Variants in ARHGAP32 observed in about 807,000 individuals in gnomAD.
ARHGAP32 encodes the protein rho GTPase-activating protein 32.
In ARHGAP32, 51 loss-of-function variants were observed where a neutral mutation model predicts 186.5. The ratio of observed to expected loss-of-function variants is 0.27; its 90% CI spans 0.22 to 0.35. ARHGAP32 has a LOEUF of 0.35. ARHGAP32 is among the 10% of genes least tolerant of loss of function. ARHGAP32 has a pLI of 1.00. For missense variants in ARHGAP32, 2,186 were observed against 2,623.5 expected (o/e 0.83, Z 3.64); for synonymous variants, 950 against 964.3 (o/e 0.99, Z 0.27).
At chr11:129,277,538 G>C (rs896307209) in intron 1 of ARHGAP32, among the ~76,000 whole-genome samples, 3 of 152,172 alleles carry the variant, frequency 2.0e-5, no homozygotes, top group African/African-American at 7.2e-5. Flanking sequence ...ACCTCAATGT[G>C]AACGATCATA....
chr11:129,190,097 T>C (rs1160803324), intron 1 of ARHGAP32, among the ~76,000 whole-genome samples: 1 of 152,218 alleles, frequency 6.6e-6, no homozygotes, highest in East Asian at 1.9e-4. Context: ...AAAAACACAG[T>C]AAGACATTTT....
chr11:128,997,696 A>AT (rs1946238585), intron 12 of ARHGAP32, among the ~76,000 whole-genome samples: 1 of 152,194 alleles, frequency 6.6e-6, no homozygotes. Context: ...AAAGAAAGGA[A>AT]TATAGATTCC....
intron 11 of ARHGAP32, among the ~76,000 whole-genome samples, chr11:129,014,915 T>C (rs1938259144): frequency 6.6e-6 from 1 of 152,128 alleles, no homozygotes; most frequent in Non-Finnish European, 1.5e-5. Flanking sequence ...TAAAGTACTT[T>C]ATGTTAAACA....
At chr11:129,003,126 T>C (rs767533784) in intron 11 of ARHGAP32, among the ~76,000 whole-genome samples, 1 of 152,200 alleles carries the variant, frequency 6.6e-6, no homozygotes, top group Non-Finnish European at 1.5e-5. Context: ...TAAATGCTTT[T>C]TCAGCATTAA....
intron 6 of ARHGAP32, among the ~76,000 whole-genome samples, chr11:129,075,326 A>T (rs1466853512): frequency 6.6e-6 from 1 of 152,242 alleles, no homozygotes; most frequent in African/African-American, 2.4e-5. Context: ...TAATTAAAAA[A>T]GCAAAAATAG....
intron 2 of ARHGAP32, chr11:129,125,877 C>T: frequency 4.5e-6 from 2 of 439,576 alleles, no homozygotes; most frequent in Non-Finnish European, 9.1e-6. Flanking sequence ...ATTTTTACTC[C>T]TTCTTAGAGG....
At chr11:129,184,752 T>C (rs1944125546) in intron 1 of ARHGAP32, among the ~76,000 whole-genome samples, 1 of 151,494 alleles carries the variant, frequency 6.6e-6, no homozygotes, top group South Asian at 2.1e-4. Context: ...AAAATATACA[T>C]AACAATAAAA....
At chr11:129,124,743 TGAA>T in intron 3 of ARHGAP32, 57 bp downstream of exon 3, 1 of 1,304,082 alleles carries the variant, frequency 7.7e-7, no homozygotes, top group East Asian at 2.4e-5. Context: ...TTAAGAGAAT[TGAA>T]GAACTGATTT....
chr11:129,149,226 G>T (rs1230851128), intron 2 of ARHGAP32, among the ~76,000 whole-genome samples: 1 of 152,204 alleles, frequency 6.6e-6, no homozygotes, highest in African/African-American at 2.4e-5. Flanking sequence ...TAATCTTGCT[G>T]CCAGGAAGAA....
intron 13 of ARHGAP32, among the ~76,000 whole-genome samples, chr11:128,987,735 C>T (rs1339993536): frequency 1.3e-5 from 2 of 152,118 alleles, no homozygotes; most frequent in Admixed American, 6.6e-5. Flanking sequence ...TGCAAATTTC[C>T]TCTCTCATGG....
rs571549650 is a variant in ARHGAP32 at position 129,118,724 on chromosome 11, C to T, written c.444+4722G>A. 1.9e-3 allele frequency among the ~76,000 whole-genome samples: 283 copies of T among 152,070 alleles called. 4 individuals are homozygous for T. The highest frequency in any genetic ancestry group is 6.7e-3 in the African/African-American group (278 of 41,508). ...TCAAAGAACAGGTAATTCCCATTTA[C>T]ACAAACTATTCCAGTGCATTTATTT... On this transcript the variant is annotated intron_variant, in intron 5 of 22. Transcript: ENST00000682385.
intron 1 of ARHGAP32, among the ~76,000 whole-genome samples, chr11:129,264,192 C>A (rs1191686340): frequency 6.6e-6 from 1 of 151,982 alleles, no homozygotes; most frequent in Non-Finnish European, 1.5e-5. Flanking sequence ...TCTAAAGTAG[C>A]CAAAATCATG....
At chr11:129,022,411 T>C (rs1266178306) in intron 11 of ARHGAP32, among the ~76,000 whole-genome samples, 1 of 152,132 alleles carries the variant, frequency 6.6e-6, no homozygotes. Flanking sequence ...GGAAAGTTTC[T>C]ATATTTGGTG....
intron 6 of ARHGAP32, among the ~76,000 whole-genome samples, chr11:129,079,438 T>C (rs796597216): frequency 2.0e-5 from 3 of 152,288 alleles, no homozygotes; most frequent in African/African-American, 7.2e-5. Context: ...ACTGGAAGCC[T>C]CTCTTTAGCC....
intron 11 of ARHGAP32, among the ~76,000 whole-genome samples, chr11:129,021,717 G>A (rs543673421): frequency 1.3e-4 from 19 of 151,940 alleles, no homozygotes; most frequent in East Asian, 7.7e-4. Context: ...TTTTTATTTC[G>A]AAATTTAAAT....
rs1408289045 is a variant in ARHGAP32, at chr11:128,967,504, T to TG, written c.*1402dup. The TG allele has an allele frequency of 6.6e-6, 1 of 152,202 alleles. No individual in the cohort carries two copies. Among genetic ancestry groups the TG allele is most frequent in the East Asian group, 1.9e-4 (1 of 5,208 alleles). The allele number at this position is 152,202 out of a possible 1,614,324, so 9.4% of individuals were successfully genotyped here. On this transcript the variant is annotated 3_prime_UTR_variant, in exon 23 of 23. Coordinates refer to ENST00000682385, the MANE Select transcript of ARHGAP32 (RefSeq NM_001378024.1). ...ACTGCCTTGCTAGTCTGATGTATTT[T>TG]GGGGGGTGGAGGGAGCTGAGAACAT...
At chr11:129,252,225 A>G (rs1343399209) in intron 1 of ARHGAP32, among the ~76,000 whole-genome samples, 2 of 152,096 alleles carry the variant, frequency 1.3e-5, no homozygotes, top group Admixed American at 6.6e-5. Flanking sequence ...TTTACTCTCA[A>G]CTGTAGTCGT....
At chr11:129,252,175 C>T (rs903457668) in intron 1 of ARHGAP32, among the ~76,000 whole-genome samples, 5 of 152,136 alleles carry the variant, frequency 3.3e-5, no homozygotes, top group African/African-American at 1.2e-4. Context: ...AACACCTTTA[C>T]CATCACTTAC....
At position 129,123,639 on chromosome 11, in the gene ARHGAP32, G is replaced by A. The variant is rs370742258; in HGVS notation, c.360-109C>T. On this transcript the variant is annotated intron_variant, in intron 4 of 22. Transcript: ENST00000682385. The surrounding 1 kb of genome is among the most constrained non-coding windows in gnomAD (Gnocchi z 4.6). ...GAGCTCATGCAAGCAAAAATATTTC[G>A]TAAGCACATGCGCATGAGCCACACA... 125 of 967,808 alleles carry A rather than the reference G, an allele frequency of 1.3e-4. No homozygotes were observed. The African/African-American group carries it at 1.8e-3, about 14-fold the overall frequency. 60.0% of individuals were successfully genotyped at this position (967,808 alleles called of 1,614,324 possible).
Sources: gnomAD v4.1 joint callset for allele counts (sites outside exome capture counted in the v4.1 genomes callset) on GRCh38, gnomAD v4.1.1 for gene constraint, Gnocchi (gnomAD v3.1) non-coding constraint, MANE v1.5 for transcripts, NCBI Gene and HGNC (gene_info 2026-07-23, HGNC 2026-07-21) for gene names.